Variants in MYO5B observed in about 807,000 individuals in gnomAD.
MYO5B encodes the protein myosin VB.
A neutral mutation model predicts 229.3 loss-of-function variants in MYO5B; 143 were observed. The ratio of observed to expected loss-of-function variants is 0.62; its 90% CI spans 0.54 to 0.72. MYO5B has a LOEUF of 0.72. Ranked by LOEUF, MYO5B falls within the 30% of genes least tolerant of loss-of-function variation. The pLI is 0.00. For synonymous variants in MYO5B, 918 were observed against 885.2 expected (o/e 1.04, Z -0.66); for missense variants, 2,321 against 2,331.0 (o/e 1.00, Z 0.09).
At chr18:50,096,246 C>A (rs72917866) in intron 1 of MYO5B, among the ~76,000 whole-genome samples, 20,559 of 152,190 alleles carry the variant, frequency 0.14, 1,468 homozygotes, top group East Asian at 0.23. Flanking sequence ...CACTGGGCTG[C>A]AACTAGGCAT....
intron 1 of MYO5B, among the ~76,000 whole-genome samples, chr18:50,151,712 T>G (rs1014140995): frequency 2.6e-5 from 4 of 152,208 alleles, no homozygotes; most frequent in African/African-American, 7.2e-5. Context: ...TTTTTAAGCC[T>G]AAACACAGCT....
intron 8 of MYO5B, among the ~76,000 whole-genome samples, chr18:49,981,183 A>G (rs1034140416): frequency 6.6e-6 from 1 of 152,220 alleles, no homozygotes; most frequent in Non-Finnish European, 1.5e-5. Context: ...ACCTATACGA[A>G]TCATCAAAGG....
intron 4 of MYO5B, among the ~76,000 whole-genome samples, chr18:50,020,625 A>G (rs901575070): frequency 2.0e-5 from 3 of 152,224 alleles, no homozygotes; most frequent in Non-Finnish European, 4.4e-5. Flanking sequence ...GGATGGACCC[A>G]GGAGTCAGAA....
intron 1 of MYO5B, among the ~76,000 whole-genome samples, chr18:50,089,860 C>A (rs1366655448): frequency 3.9e-5 from 6 of 152,148 alleles, no homozygotes; most frequent in Non-Finnish European, 5.9e-5. Flanking sequence ...CCCGCATAAC[C>A]CCACATGTGT....
At chr18:50,118,480 C>A (rs1358597173) in intron 1 of MYO5B, among the ~76,000 whole-genome samples, 5 of 152,246 alleles carry the variant, frequency 3.3e-5, no homozygotes, top group Non-Finnish European at 7.3e-5. Flanking sequence ...AAGGGCTTAA[C>A]TACAGCACAG....
At chr18:50,022,798 G>A (rs1262328033) in intron 4 of MYO5B, among the ~76,000 whole-genome samples, 1 of 152,102 alleles carries the variant, frequency 6.6e-6, no homozygotes, top group African/African-American at 2.4e-5. Context: ...AGGAACCAAG[G>A]GAAGCATCCA....
Position 49,904,753 on chromosome 18 carries a change from C to T in MYO5B, c.2490G>A (p.Gln830=), listed in dbSNP as rs369983160. ...CAGCTCTGCGGACCCTCTGGTAGGC[C>T]TGGCGGGCCCTCTGCATGCGGTAAT... ...QKHYRMQRAR[Q]AYQRVRRAAV... is the part of the protein sequence containing the mutation. The change falls in exon 20 of 40, where the codon CAG becomes CAA. Residue 830 remains glutamine, a synonymous_variant. Coordinates refer to ENST00000285039, the MANE Select transcript of MYO5B (RefSeq NM_001080467.3). 2 of 1,614,032 alleles carry T rather than the reference C, an allele frequency of 1.2e-6. No homozygotes were observed. Among genetic ancestry groups the T allele is most frequent in the African/African-American group, 2.7e-5 (2 of 75,050 alleles).
intron 1 of MYO5B, among the ~76,000 whole-genome samples, chr18:50,068,030 TATATACACAC>T (rs970073472): frequency 1.2e-4 from 13 of 104,556 alleles, no homozygotes; most frequent in South Asian, 3.6e-4. Flanking sequence ...CATACATATA[TATATACACAC>T]ATATACACAC....
At chr18:49,974,260 G>C (rs1568054297) in intron 10 of MYO5B, 90 bp downstream of exon 10, 1 of 1,580,754 alleles carries the variant, frequency 6.3e-7, no homozygotes. Context: ...AGAACCACCA[G>C]GAAGCTCTCC....
At chr18:50,168,414 A>G (rs762489037) in intron 1 of MYO5B, among the ~76,000 whole-genome samples, 7 of 152,260 alleles carry the variant, frequency 4.6e-5, no homozygotes, top group Non-Finnish European at 8.8e-5. Flanking sequence ...TGTCTCTTCC[A>G]TGAATATGCC....
In MYO5B at chr18:49,895,185, C is replaced by T; in HGVS notation, c.2812-11G>A. 1.2e-6 allele frequency: 2 copies of T among 1,605,566 alleles called. No homozygotes were observed. Among genetic ancestry groups the T allele is most frequent in the Non-Finnish European group, 1.7e-6 (2 of 1,172,636 alleles). On this transcript the variant is annotated splice_polypyrimidine_tract_variant and intron_variant, in intron 21 of 39. Transcript: ENST00000285039. ...CTTGAACTCTTTGTTCTGTGGAGAA[C>T]ATCAGCAAACAAGGAGAAGGGAGAA... is the stretch of plus-strand genomic sequence containing the variant.
At chr18:49,869,816 G>A (rs976215319) in intron 27 of MYO5B, among the ~76,000 whole-genome samples, 1 of 152,074 alleles carries the variant, frequency 6.6e-6, no homozygotes, top group Non-Finnish European at 1.5e-5. Flanking sequence ...AGCAGGTCTC[G>A]GGGGTGGGGT....
At chr18:49,912,007 T>A in intron 18 of MYO5B, 55 bp downstream of exon 18, 2 of 1,375,868 alleles carry the variant, frequency 1.5e-6, no homozygotes, top group Non-Finnish European at 2.1e-6. Context: ...CGCCACCCCC[T>A]CAATCTTTAG....
At chr18:49,887,554 A>T (rs1262943203) in intron 22 of MYO5B, among the ~76,000 whole-genome samples, 1 of 151,944 alleles carries the variant, frequency 6.6e-6, no homozygotes, top group Non-Finnish European at 1.5e-5. Context: ...CTCCCCCTTC[A>T]ACTTTTGCCA....
chr18:49,846,215 T>A (rs1311455696), intron 33 of MYO5B, among the ~76,000 whole-genome samples: 1 of 152,166 alleles, frequency 6.6e-6, no homozygotes, highest in African/African-American at 2.4e-5. Flanking sequence ...CCAGACAGAC[T>A]GCAGAAGCTC....
chr18:50,010,625 CTG>C (rs2026151474), intron 4 of MYO5B, among the ~76,000 whole-genome samples: 1 of 152,318 alleles, frequency 6.6e-6, no homozygotes, highest in Admixed American at 6.5e-5. Flanking sequence ...CCAAAATACA[CTG>C]GAATTCAGAA....
intron 10 of MYO5B, chr18:49,969,783 GAT>G (rs1451878771): frequency 1.3e-5 from 2 of 152,214 alleles, no homozygotes; most frequent in African/African-American, 4.8e-5. Flanking sequence ...GACTGATGAG[GAT>G]ATAAAATCCC....
intron 22 of MYO5B, among the ~76,000 whole-genome samples, chr18:49,885,790 T>A (rs2024635842): frequency 6.6e-6 from 1 of 152,146 alleles, no homozygotes; most frequent in Non-Finnish European, 1.5e-5. Context: ...AGGCAGCGAC[T>A]CTCACTTAAA....
chr18:49,927,842 C>G (rs530617228), intron 17 of MYO5B, among the ~76,000 whole-genome samples: 9 of 152,342 alleles, frequency 5.9e-5, no homozygotes, highest in African/African-American at 2.2e-4. Context: ...TGGGCAACGA[C>G]TTCATGACCA....
Sources: allele counts gnomAD v4.1 joint callset (sites outside exome capture counted in the v4.1 genomes callset), GRCh38; gene constraint gnomAD v4.1.1; transcripts MANE v1.5; gene names NCBI Gene and HGNC (gene_info 2026-07-23, HGNC 2026-07-21).